Variants in DHRSX observed in about 807,000 individuals in gnomAD.
DHRSX encodes the protein dehydrogenase/reductase X-linked.
Under a neutral mutation model 34.0 loss-of-function variants are expected in DHRSX, and 31 were observed. That is an observed-to-expected ratio of 0.91 (90% confidence interval 0.69 to 1.23). The LOEUF is 1.23. Ranked by LOEUF, DHRSX falls within the 50% of genes most tolerant of loss-of-function variation. The pLI is 0.00. For missense variants in DHRSX, 414 were observed against 428.1 expected (o/e 0.97, Z 0.29); for synonymous variants, 201 against 183.8 (o/e 1.09, Z -0.76).
intron 3 of DHRSX, among the ~76,000 whole-genome samples, chrX:2,346,166 C>A (rs1306481130): frequency 6.6e-6 from 1 of 152,092 alleles, no homozygotes; most frequent in African/African-American, 2.4e-5. Flanking sequence ...CATGTATTTT[C>A]TGATAATGTT....
chrX:2,396,505 G>C (rs1383182082), intron 3 of DHRSX, among the ~76,000 whole-genome samples: 3 of 148,802 alleles, frequency 2.0e-5, no homozygotes, highest in Non-Finnish European at 3.0e-5. Flanking sequence ...AGCCTCCCGA[G>C]GAGCTGGGAT....
chrX:2,394,873 A>G (rs2043390243), intron 3 of DHRSX, among the ~76,000 whole-genome samples: 1 of 152,030 alleles, frequency 6.6e-6, no homozygotes, highest in Non-Finnish European at 1.5e-5. Context: ...CTCATGAAAA[A>G]AAAAAAAAAG....
chrX:2,400,864 T>A (rs1365450767), intron 3 of DHRSX, among the ~76,000 whole-genome samples: 7 of 152,200 alleles, frequency 4.6e-5, no homozygotes, highest in Non-Finnish European at 1.0e-4. Flanking sequence ...AAGTATTTTA[T>A]AGGTCATTGG....
chrX:2,445,441 A>T (rs2044117955), intron 1 of DHRSX, among the ~76,000 whole-genome samples: 1 of 152,154 alleles, frequency 6.6e-6, no homozygotes, highest in Non-Finnish European at 1.5e-5. Context: ...AAGAAAAAAA[A>T]AAGCTTAACC....
At chrX:2,273,750 C>T (rs929776266) in intron 4 of DHRSX, among the ~76,000 whole-genome samples, 4 of 152,168 alleles carry the variant, frequency 2.6e-5, no homozygotes, top group Admixed American at 1.3e-4. Flanking sequence ...TGTTTCTGTG[C>T]TGGTTCTCTT....
At chrX:2,296,493 T>C (rs750314185) in intron 3 of DHRSX, among the ~76,000 whole-genome samples, 5 of 147,392 alleles carry the variant, frequency 3.4e-5, no homozygotes, top group South Asian at 2.1e-4. Context: ...CAGATAGGAA[T>C]AGGACCCAGG....
chrX:2,476,740 ACACCTGTAAT>A (rs2044686041), intron 1 of DHRSX, among the ~76,000 whole-genome samples: 1 of 152,188 alleles, frequency 6.6e-6, no homozygotes, highest in Non-Finnish European at 1.5e-5. Context: ...GTGGAGACTC[ACACCTGTAAT>A]CCCAGCATTT....
chrX:2,244,807 G>A (rs1185551518), intron 5 of DHRSX, among the ~76,000 whole-genome samples: 3 of 151,994 alleles, frequency 2.0e-5, no homozygotes, highest in Non-Finnish European at 4.4e-5. Flanking sequence ...CTCCTCTCGG[G>A]TTCAAGTCAT....
At chrX:2,445,848 G>T (rs1197076628) in intron 1 of DHRSX, among the ~76,000 whole-genome samples, 2 of 148,912 alleles carry the variant, frequency 1.3e-5, no homozygotes, top group African/African-American at 5.0e-5. Context: ...CACTGAGGAC[G>T]TTCCCTAAGC....
chrX:2,352,000 G>A (rs943025884), intron 3 of DHRSX, among the ~76,000 whole-genome samples: 14 of 152,112 alleles, frequency 9.2e-5, no homozygotes, highest in Non-Finnish European at 1.3e-4. Context: ...GGTTACAGGC[G>A]TGAGTCACCG....
chrX:2,494,942 A>T (rs2045244965), intron 1 of DHRSX, among the ~76,000 whole-genome samples: 1 of 151,820 alleles, frequency 6.6e-6, no homozygotes, highest in Non-Finnish European at 1.5e-5. Context: ...CAGGACCTGG[A>T]GCAAAGGTTT....
intron 1 of DHRSX, among the ~76,000 whole-genome samples, chrX:2,479,611 T>A (rs1215782597): frequency 6.6e-6 from 1 of 151,182 alleles, no homozygotes; most frequent in Non-Finnish European, 1.5e-5. Flanking sequence ...CCTAAGCATG[T>A]GGCCCAAGGG....
chrX:2,301,259 A>G (rs2042005504), intron 3 of DHRSX, among the ~76,000 whole-genome samples: 1 of 152,208 alleles, frequency 6.6e-6, no homozygotes, highest in South Asian at 2.1e-4. Flanking sequence ...CTAAAAATAT[A>G]AAACTTAGCT....
At chrX:2,223,991 C>A (rs1263656129) in intron 6 of DHRSX, among the ~76,000 whole-genome samples, 5 of 152,228 alleles carry the variant, frequency 3.3e-5, no homozygotes. Flanking sequence ...CCAGGAGAGA[C>A]CATGGTTCCT....
chrX:2,320,985 C>T (rs1342482599), intron 3 of DHRSX, among the ~76,000 whole-genome samples: 2 of 152,016 alleles, frequency 1.3e-5, no homozygotes, highest in African/African-American at 2.4e-5. Flanking sequence ...GGTTACTTAA[C>T]CCTGTGGCTT....
intron 1 of DHRSX, among the ~76,000 whole-genome samples, chrX:2,474,977 G>A (rs756558322): frequency 6.0e-5 from 9 of 151,202 alleles, no homozygotes; most frequent in Admixed American, 3.9e-4. Flanking sequence ...CTAGGCATGT[G>A]GCCAAGGGAA....
intron 4 of DHRSX, among the ~76,000 whole-genome samples, chrX:2,288,199 A>G (rs1237636287): frequency 1.3e-5 from 2 of 151,924 alleles, no homozygotes; most frequent in Non-Finnish European, 2.9e-5. Context: ...GAGAACAAGA[A>G]AGAGAGATTC....
At chrX:2,409,596 AAAACTCTCC>A (rs1166001598) in intron 2 of DHRSX, among the ~76,000 whole-genome samples, 2 of 152,204 alleles carry the variant, frequency 1.3e-5, no homozygotes, top group African/African-American at 4.8e-5. Flanking sequence ...GCACTTCCGT[AAAACTCTCC>A]AAGTGAGGTT....
intron 3 of DHRSX, among the ~76,000 whole-genome samples, chrX:2,308,384 C>CGACAATTGTTCGACAATTGTTTT (rs2042125574): frequency 6.7e-6 from 1 of 149,450 alleles, no homozygotes; most frequent in Non-Finnish European, 1.5e-5. Flanking sequence ...AACAACTGTT[C>CGACAATTGTTCGACAATTGTTTT]GACAATTGTT....
Sources: gnomAD v4.1 joint callset for allele counts (sites outside exome capture counted in the v4.1 genomes callset) on GRCh38, gnomAD v4.1.1 for gene constraint, MANE v1.5 for transcripts, NCBI Gene and HGNC (gene_info 2026-07-23, HGNC 2026-07-21) for gene names.